MED27: variants seen among roughly 807,000 people sequenced by gnomAD.
MED27 encodes the protein mediator of RNA polymerase II transcription subunit 27.
In MED27, 30 loss-of-function variants were observed where a neutral mutation model predicts 38.2. The ratio of observed to expected loss-of-function variants is 0.79; its 90% CI spans 0.59 to 1.07. The LOEUF (loss-of-function observed/expected upper bound fraction) is 1.07. Among genes scored for constraint, MED27 ranks in the 50% least tolerant of loss-of-function variants. MED27 has a pLI of 0.00. For synonymous variants in MED27, 122 were observed against 153.5 expected (o/e 0.79, Z 1.52); for missense variants, 289 against 397.5 (o/e 0.73, Z 2.32).
At position 131,872,743 on chromosome 9, in the gene MED27, G is replaced by T. The variant is rs1037643030; in HGVS notation, c.724-9603C>A. On this transcript the variant is annotated intron_variant, in intron 6 of 7. Transcript: ENST00000292035. This position sits in a 1 kb window ranked among gnomAD's most constrained non-coding sequence, Gnocchi z 5.6. ...CTGCTGCAGAGCCTGAGCTGTCCTA[G>T]TTATCTCCTGGCAGCATGTGCACAC... 2.6e-5 allele frequency among the ~76,000 whole-genome samples: 4 copies of T among 152,210 alleles called. No homozygotes were observed. In the South Asian group the frequency reaches 6.2e-4, roughly 24 times the overall value.
At chr9:131,870,331 T>C (rs1343831718) in intron 6 of MED27, among the ~76,000 whole-genome samples, 1 of 152,118 alleles carries the variant, frequency 6.6e-6, no homozygotes, top group Non-Finnish European at 1.5e-5. Context: ...TGGGCGAGGA[T>C]TAAATGGGCC....
chr9:132,078,099 G>C (rs1834094246), intron 1 of MED27, among the ~76,000 whole-genome samples: 2 of 152,172 alleles, frequency 1.3e-5, no homozygotes, highest in Non-Finnish European at 2.9e-5. Context: ...ATAAACAAAT[G>C]GAATGGGAAG....
At chr9:131,899,983 G>T (rs1174850804) in intron 4 of MED27, among the ~76,000 whole-genome samples, 1 of 152,218 alleles carries the variant, frequency 6.6e-6, no homozygotes, top group Non-Finnish European at 1.5e-5. Context: ...ACTGCTATAG[G>T]ATACCACTAA....
intron 2 of MED27, among the ~76,000 whole-genome samples, chr9:132,059,716 T>A (rs761341718): frequency 2.6e-5 from 4 of 152,204 alleles, no homozygotes; most frequent in Non-Finnish European, 5.9e-5. Flanking sequence ...TAATGCGCCT[T>A]GCCCAAAACC....
At chr9:131,939,241 C>G (rs1187009129) in intron 4 of MED27, 140 bp downstream of exon 4, 8 of 468,038 alleles carry the variant, frequency 1.7e-5, no homozygotes, top group Non-Finnish European at 2.6e-5. Flanking sequence ...TACAGAATGC[C>G]AGTAAAGAAA....
intron 3 of MED27, among the ~76,000 whole-genome samples, chr9:131,944,273 T>C (rs1384168426): frequency 6.6e-6 from 1 of 152,176 alleles, no homozygotes; most frequent in East Asian, 1.9e-4. Flanking sequence ...CCCAACAATT[T>C]ACGGCTTGAA....
intron 2 of MED27, among the ~76,000 whole-genome samples, chr9:132,042,436 A>C (rs1833238395): frequency 6.6e-6 from 1 of 152,064 alleles, no homozygotes; most frequent in Non-Finnish European, 1.5e-5. Flanking sequence ...CAAGGCAAAA[A>C]GGAAGTGCCA....
chr9:131,975,240 T>C (rs1384985379), intron 3 of MED27, among the ~76,000 whole-genome samples: 1 of 152,256 alleles, frequency 6.6e-6, no homozygotes, highest in African/African-American at 2.4e-5. Flanking sequence ...AATAGCAGCT[T>C]AGCATTGTAC....
At chr9:132,061,126 G>A (rs1052223204) in intron 2 of MED27, among the ~76,000 whole-genome samples, 1 of 152,206 alleles carries the variant, frequency 6.6e-6, no homozygotes. Flanking sequence ...GACACTTTAG[G>A]ATAGAAAGGG....
chr9:131,862,027 C>G lies in MED27; in HGVS notation c.801+1036G>C, dbSNP rs1257095334. ...TATCTATCTGAAATTGGAGCTCTTG[C>G]TGAAGATGGTCAGGGGAACTGTTCC... is the stretch of plus-strand genomic sequence containing the variant. On this transcript the variant is annotated intron_variant, in intron 7 of 7. Transcript: ENST00000292035. The surrounding 1 kb of genome is among the most constrained non-coding windows in gnomAD (Gnocchi z 4.6). Among the ~76,000 whole-genome samples the G allele has an allele frequency of 2.0e-5, 3 of 152,176 alleles. No homozygotes were observed. The highest frequency in any genetic ancestry group is 4.4e-5 in the Non-Finnish European group (3 of 68,028).
intron 2 of MED27, among the ~76,000 whole-genome samples, chr9:132,046,518 T>A (rs949898193): frequency 1.3e-5 from 2 of 152,186 alleles, no homozygotes; most frequent in African/African-American, 4.8e-5. Context: ...AATGCAGCTA[T>A]AAAAGCTGAA....
chr9:132,058,537 TGAA>T (rs1283332342), intron 2 of MED27, among the ~76,000 whole-genome samples: 3 of 152,246 alleles, frequency 2.0e-5, no homozygotes, highest in Non-Finnish European at 4.4e-5. Context: ...TGCCGCCATG[TGAA>T]GAAGGACATG....
At chr9:131,956,712 TA>T (rs1477299424) in intron 3 of MED27, among the ~76,000 whole-genome samples, 7 of 151,998 alleles carry the variant, frequency 4.6e-5, no homozygotes, top group Admixed American at 1.3e-4. Flanking sequence ...AAGAATTTTT[TA>T]AAAATCAATC....
chr9:131,884,635 T>C, intron 5 of MED27, among the ~76,000 whole-genome samples: 1 of 142,836 alleles, frequency 7.0e-6, no homozygotes, highest in Non-Finnish European at 1.5e-5. Context: ...TGAGATGGAG[T>C]CTGGCTCTGT....
chr9:132,046,790 T>G (rs1269004865), intron 2 of MED27, among the ~76,000 whole-genome samples: 1 of 152,162 alleles, frequency 6.6e-6, no homozygotes, highest in Non-Finnish European at 1.5e-5. Flanking sequence ...CATACGCACA[T>G]ACACACACAT....
intron 6 of MED27, among the ~76,000 whole-genome samples, chr9:131,864,401 C>T (rs1035722084): frequency 6.6e-6 from 1 of 152,096 alleles, no homozygotes; most frequent in African/African-American, 2.4e-5. Context: ...GAGGATCATC[C>T]GAGCCTGGGA....
chr9:132,036,222 T>C (rs1219386566), intron 2 of MED27, among the ~76,000 whole-genome samples: 1 of 152,200 alleles, frequency 6.6e-6, no homozygotes, highest in Non-Finnish European at 1.5e-5. Flanking sequence ...TTTGTTTTTA[T>C]AGTCAGGGTC....
At chr9:131,893,569 G>GAGCT (rs1194347892) in intron 5 of MED27, among the ~76,000 whole-genome samples, 4 of 152,144 alleles carry the variant, frequency 2.6e-5, no homozygotes, top group Non-Finnish European at 4.4e-5. Flanking sequence ...GGCTACTGAG[G>GAGCT]AGCTGCTTGA....
Position 132,018,680 on chromosome 9 carries a change from C to G in MED27, c.349-4213G>C, listed in dbSNP as rs569912935. Among the ~76,000 whole-genome samples, 223 of 152,286 alleles carry G rather than the reference C, an allele frequency of 1.5e-3. 1 individual carries two copies. Among genetic ancestry groups the G allele is most frequent in the African/African-American group, 5.2e-3 (217 of 41,558 alleles). ...GTATGCTGGAGCCTCCCTGGGGTCC[C>G]TGCTACAGCATCCCATCATATGCAG... On this transcript the variant is annotated intron_variant, in intron 2 of 7. Transcript: ENST00000292035.
Sources: allele counts gnomAD v4.1 joint callset (sites outside exome capture counted in the v4.1 genomes callset), GRCh38; gene constraint gnomAD v4.1.1; non-coding constraint Gnocchi (gnomAD v3.1); transcripts MANE v1.5; gene names NCBI Gene and HGNC (gene_info 2026-07-23, HGNC 2026-07-21).